SIPA1L1: variants seen among roughly 807,000 people sequenced by gnomAD.
SIPA1L1 encodes the protein signal-induced proliferation-associated 1-like protein 1.
Under a neutral mutation model 162.7 loss-of-function variants are expected in SIPA1L1, and 26 were observed. The observed-to-expected ratio is 0.16, with a 90% CI of 0.12 to 0.22. SIPA1L1 has a LOEUF of 0.22. Ranked by LOEUF, SIPA1L1 falls within the 10% of genes least tolerant of loss-of-function variation. The pLI is 1.00. For missense variants in SIPA1L1, 1,874 were observed against 2,241.0 expected (o/e 0.84, Z 3.31); for synonymous variants, 829 against 837.4 (o/e 0.99, Z 0.17).
At chr14:71,500,196 CA>C (rs560097377) in intron 2 of SIPA1L1, among the ~76,000 whole-genome samples, 209 of 152,142 alleles carry the variant, frequency 1.4e-3, no homozygotes, top group Non-Finnish European at 2.5e-3. Flanking sequence ...AGCAAAAAGG[CA>C]AGTTACAGAG....
At chr14:71,611,428 A>G (rs2038196133) in intron 5 of SIPA1L1, among the ~76,000 whole-genome samples, 1 of 147,884 alleles carries the variant, frequency 6.8e-6, no homozygotes, top group African/African-American at 2.7e-5. Flanking sequence ...ATGTTCTAGG[A>G]TACATGTGCA....
intron 13 of SIPA1L1, among the ~76,000 whole-genome samples, chr14:71,687,520 T>C (rs1230193826): frequency 6.6e-6 from 1 of 152,262 alleles, no homozygotes; most frequent in African/African-American, 2.4e-5. Flanking sequence ...ATTTCCTTTA[T>C]ACAATATTCC....
intron 7 of SIPA1L1, among the ~76,000 whole-genome samples, chr14:71,639,833 G>C (rs2041526916): frequency 6.6e-6 from 1 of 152,160 alleles, no homozygotes; most frequent in Non-Finnish European, 1.5e-5. Flanking sequence ...GGAAGGATAG[G>C]CTTTTCCAAC....
intron 13 of SIPA1L1, among the ~76,000 whole-genome samples, chr14:71,697,621 T>G (rs191105749): frequency 6.6e-6 from 1 of 152,350 alleles, no homozygotes; most frequent in East Asian, 1.9e-4. Flanking sequence ...CCAGTCAAGA[T>G]GTTTAGGAGA....
chr14:71,616,797 GGA>G (rs2038893164), intron 5 of SIPA1L1, among the ~76,000 whole-genome samples: 1 of 152,142 alleles, frequency 6.6e-6, no homozygotes, highest in Non-Finnish European at 1.5e-5. Context: ...CTGGAGAAAC[GGA>G]GAGAGTTGCT....
At chr14:71,530,217 T>G (rs949273657) in intron 4 of SIPA1L1, among the ~76,000 whole-genome samples, 8 of 152,196 alleles carry the variant, frequency 5.3e-5, no homozygotes, top group Non-Finnish European at 1.2e-4. Context: ...AATAATACCA[T>G]TAAATTAAAC....
intron 2 of SIPA1L1, among the ~76,000 whole-genome samples, chr14:71,413,450 AG>A (rs1465568673): frequency 1.3e-5 from 2 of 152,202 alleles, no homozygotes; most frequent in Non-Finnish European, 2.9e-5. Context: ...ATATGTGTTG[AG>A]GCGGGGCATA....
chr14:71,367,326 A>T (rs1310814176), intron 2 of SIPA1L1, among the ~76,000 whole-genome samples: 2 of 134,598 alleles, frequency 1.5e-5, no homozygotes, highest in Non-Finnish European at 3.1e-5. Context: ...TTTTTTCCCG[A>T]TATGGAGTCT....
chr14:71,511,315 C>G (rs540860631), intron 2 of SIPA1L1, among the ~76,000 whole-genome samples: 2 of 152,168 alleles, frequency 1.3e-5, no homozygotes, highest in East Asian at 3.9e-4. Flanking sequence ...GAGACAGGGT[C>G]TCACTGTTGC....
intron 7 of SIPA1L1, among the ~76,000 whole-genome samples, chr14:71,631,043 C>A (rs1165272769): frequency 6.6e-6 from 1 of 152,114 alleles, no homozygotes; most frequent in Non-Finnish European, 1.5e-5. Flanking sequence ...CCCTGACAGG[C>A]CTGTGTGTGA....
At chr14:71,734,244 C>T (rs1053077386) in intron 21 of SIPA1L1, among the ~76,000 whole-genome samples, 2 of 152,260 alleles carry the variant, frequency 1.3e-5, no homozygotes, top group African/African-American at 2.4e-5. Flanking sequence ...CATCTCCGTG[C>T]GCGGTAGCGC....
chr14:71,605,371 A>G (rs541028003), intron 5 of SIPA1L1, among the ~76,000 whole-genome samples: 3 of 151,954 alleles, frequency 2.0e-5, no homozygotes, highest in Admixed American at 6.6e-5. Context: ...AGGATTTTGT[A>G]TATTTCTTTT....
chr14:71,525,989 G>T (rs2052833593), intron 3 of SIPA1L1, among the ~76,000 whole-genome samples: 1 of 152,128 alleles, frequency 6.6e-6, no homozygotes, highest in Non-Finnish European at 1.5e-5. Flanking sequence ...TCGTTCTCAA[G>T]TCCTACATGA....
intron 5 of SIPA1L1, among the ~76,000 whole-genome samples, chr14:71,602,812 G>A (rs1033390215): frequency 6.6e-6 from 1 of 152,172 alleles, no homozygotes; most frequent in Non-Finnish European, 1.5e-5. Flanking sequence ...TCATAGGAGC[G>A]CAAATGAACC....
chr14:71,467,934 T>G (rs2142089541), intron 2 of SIPA1L1, among the ~76,000 whole-genome samples: 1 of 150,012 alleles, frequency 6.7e-6, no homozygotes, highest in South Asian at 2.1e-4. Context: ...ATATATAAAA[T>G]GCTTAAAACA....
intron 2 of SIPA1L1, among the ~76,000 whole-genome samples, chr14:71,500,076 G>A (rs149444195): frequency 1.4e-3 from 209 of 151,626 alleles, no homozygotes; most frequent in Non-Finnish European, 2.5e-3. Context: ...TCCTTTTTTT[G>A]ACATTTGGAC....
At chr14:71,541,268 G>C (rs987760192) in intron 4 of SIPA1L1, among the ~76,000 whole-genome samples, 3 of 152,168 alleles carry the variant, frequency 2.0e-5, no homozygotes, top group African/African-American at 7.2e-5. Flanking sequence ...CTATGGATGA[G>C]TACATTAACC....
intron 4 of SIPA1L1, among the ~76,000 whole-genome samples, chr14:71,543,926 C>T (rs118078397): frequency 1.4e-3 from 174 of 128,048 alleles, no homozygotes; most frequent in Non-Finnish European, 2.4e-3. Flanking sequence ...ATATATCATA[C>T]GTATATGTGT....
At chr14:71,558,717 T>C (rs1200826021) in intron 4 of SIPA1L1, among the ~76,000 whole-genome samples, 1 of 152,160 alleles carries the variant, frequency 6.6e-6, no homozygotes. Flanking sequence ...CAGGATTTGC[T>C]CTGTCACCCA....
Sources: gnomAD v4.1 joint callset for allele counts (sites outside exome capture counted in the v4.1 genomes callset) on GRCh38, gnomAD v4.1.1 for gene constraint, MANE v1.5 for transcripts, NCBI Gene and HGNC (gene_info 2026-07-23, HGNC 2026-07-21) for gene names.